SLC39A10: variants seen among roughly 807,000 people sequenced by gnomAD.
The protein encoded by SLC39A10 is solute carrier family 39 member 10.
In SLC39A10, 13 loss-of-function variants were observed where a neutral mutation model predicts 65.1. That is an observed-to-expected ratio of 0.20 (90% CI 0.13 to 0.32). The LOEUF (loss-of-function observed/expected upper bound fraction) is 0.32. SLC39A10 is among the 10% of genes least tolerant of loss of function. The probability of loss-of-function intolerance (pLI) is 1.00; values close to 1 mark genes in which losing one functional copy is unlikely to be tolerated. For synonymous variants in SLC39A10, 321 were observed against 342.2 expected (o/e 0.94, Z 0.68); for missense variants, 831 against 1,018.4 (o/e 0.82, Z 2.50).
Position 195,736,609 on chromosome 2 carries a change from C to G in SLC39A10, c.*1568C>G, listed in dbSNP as rs115051385. ...AAAACTTTGAGAGCAGCACATGCAT[C>G]CAGGTATTTATAGATTATTGCCAGT... On this transcript the variant is annotated 3_prime_UTR_variant, in exon 10 of 10. Coordinates refer to ENST00000359634, the MANE Select transcript of SLC39A10 (RefSeq NM_020342.3). The G allele has an allele frequency of 6.6e-6, 1 of 152,438 alleles. No individual in the cohort carries two copies. Among genetic ancestry groups the G allele is most frequent in the South Asian group, 2.1e-4 (1 of 4,826 alleles). The allele number at this position is 152,438 out of a possible 1,614,324, so 9.4% of individuals were successfully genotyped here. A position where few individuals can be genotyped will look rare whatever the true frequency, so the allele number is the denominator to read the frequency against.
chr2:195,645,892 G>A (rs905968743), intron 2 of SLC39A10, among the ~76,000 whole-genome samples: 1 of 152,158 alleles, frequency 6.6e-6, no homozygotes, highest in Non-Finnish European at 1.5e-5. Context: ...TCACGTTAAA[G>A]CCACAGGAAA....
At chr2:195,627,295 C>T (rs1425440032) in intron 2 of SLC39A10, among the ~76,000 whole-genome samples, 2 of 152,158 alleles carry the variant, frequency 1.3e-5, no homozygotes, top group African/African-American at 2.4e-5. Context: ...CAATGACTCA[C>T]ATCTACCTCA....
At chr2:195,698,072 A>G (rs1371203540) in intron 3 of SLC39A10, among the ~76,000 whole-genome samples, 1 of 151,340 alleles carries the variant, frequency 6.6e-6, no homozygotes, top group Admixed American at 6.6e-5. Flanking sequence ...GTATCCCGCT[A>G]TTTTGCTGAA....
At chr2:195,619,820 A>G (rs1031746725) in intron 2 of SLC39A10, among the ~76,000 whole-genome samples, 1 of 152,204 alleles carries the variant, frequency 6.6e-6, no homozygotes, top group Admixed American at 6.5e-5. Context: ...ATAATTTAGT[A>G]TTAGCCTCCG....
chr2:195,657,593 C>T, intron 1 of SLC39A10: 1 of 982,374 alleles, frequency 1.0e-6, no homozygotes, highest in Admixed American at 6.1e-5. Context: ...TCGCGCCCCC[C>T]TCACCTTCCT....
chr2:195,646,143 G>A (rs1688908662), intron 2 of SLC39A10, among the ~76,000 whole-genome samples: 2 of 151,986 alleles, frequency 1.3e-5, no homozygotes, highest in Admixed American at 6.6e-5. Flanking sequence ...ATGGGATTTT[G>A]CCGTGTTGCC....
chr2:195,665,420 A>G (rs769686543), intron 1 of SLC39A10, among the ~76,000 whole-genome samples: 11 of 152,306 alleles, frequency 7.2e-5, no homozygotes, highest in East Asian at 5.8e-4. Context: ...TCAGTGAGCT[A>G]TCATTGCACC....
At chr2:195,705,130 G>C (rs1201967408) in intron 3 of SLC39A10, among the ~76,000 whole-genome samples, 1 of 152,018 alleles carries the variant, frequency 6.6e-6, no homozygotes, top group Non-Finnish European at 1.5e-5. Context: ...CACTAACCAG[G>C]ATATATTATT....
chr2:195,724,366 TA>T (rs1411754473), intron 8 of SLC39A10, among the ~76,000 whole-genome samples: 1 of 152,184 alleles, frequency 6.6e-6, no homozygotes, highest in Non-Finnish European at 1.5e-5. Flanking sequence ...GACTTAGTTT[TA>T]AAATGTTTAT....
At chr2:195,727,057 A>G (rs185459482) in intron 8 of SLC39A10, among the ~76,000 whole-genome samples, 145 of 152,214 alleles carry the variant, frequency 9.5e-4, no homozygotes, top group African/African-American at 3.3e-3. Context: ...TTGTCCTTCC[A>G]CTGACACTTC....
chr2:195,667,299 G>A (rs1689671158), intron 1 of SLC39A10, among the ~76,000 whole-genome samples: 1 of 152,206 alleles, frequency 6.6e-6, no homozygotes, highest in Non-Finnish European at 1.5e-5. Context: ...GTAGGGGGAT[G>A]AAAAAGCAAA....
At chr2:195,708,415 ATCTTAT>A (rs757819933) in intron 4 of SLC39A10, among the ~76,000 whole-genome samples, 20 of 152,166 alleles carry the variant, frequency 1.3e-4, no homozygotes, top group Non-Finnish European at 2.8e-4. Flanking sequence ...TGTAGTATGT[ATCTTAT>A]TCTTATAGCA....
intron 3 of SLC39A10, among the ~76,000 whole-genome samples, chr2:195,694,019 A>G (rs772617502): frequency 1.3e-5 from 2 of 152,144 alleles, no homozygotes; most frequent in African/African-American, 2.4e-5. Context: ...CGCTCAGTTC[A>G]GATAATTTTT....
At chr2:195,618,904 T>G (rs1188865985) in intron 2 of SLC39A10, among the ~76,000 whole-genome samples, 3 of 151,772 alleles carry the variant, frequency 2.0e-5, no homozygotes, top group Middle Eastern at 3.4e-3. Flanking sequence ...ACCAGCCTGG[T>G]CAACATGGTG....
intron 1 of SLC39A10, among the ~76,000 whole-genome samples, chr2:195,668,048 A>G (rs1689704366): frequency 6.6e-6 from 1 of 152,220 alleles, no homozygotes; most frequent in African/African-American, 2.4e-5. Context: ...CTCATAGCTA[A>G]TAAATGGCAG....
intron 1 of SLC39A10, among the ~76,000 whole-genome samples, chr2:195,666,125 G>A (rs570020264): frequency 6.6e-6 from 1 of 152,230 alleles, no homozygotes; most frequent in South Asian, 2.1e-4. Flanking sequence ...AAAGGGGAAT[G>A]TGGTCAAGAC....
intron 2 of SLC39A10, among the ~76,000 whole-genome samples, chr2:195,619,147 G>A (rs1688294126): frequency 6.8e-6 from 1 of 146,938 alleles, no homozygotes; most frequent in Non-Finnish European, 1.5e-5. Flanking sequence ...ATAATGCATT[G>A]AATGAGAGAA....
At chr2:195,691,844 T>G (rs1690751540) in intron 3 of SLC39A10, among the ~76,000 whole-genome samples, 1 of 152,276 alleles carries the variant, frequency 6.6e-6, no homozygotes, top group African/African-American at 2.4e-5. Flanking sequence ...TTATTTTCTT[T>G]TGCTGTGCAG....
At chr2:195,714,557 C>T (rs1265361128) in intron 6 of SLC39A10, among the ~76,000 whole-genome samples, 2 of 152,022 alleles carry the variant, frequency 1.3e-5, no homozygotes, top group Admixed American at 6.6e-5. Context: ...GCATTCTCCA[C>T]CCCTCCCCCT....
Sources: allele counts gnomAD v4.1 joint callset (sites outside exome capture counted in the v4.1 genomes callset), GRCh38; gene constraint gnomAD v4.1.1; transcripts MANE v1.5; gene names NCBI Gene and HGNC (gene_info 2026-07-23, HGNC 2026-07-21).